Variants in TCHH observed in about 807,000 individuals in gnomAD.
The protein encoded by TCHH is trichohyalin.
TCHH carries 6 observed loss-of-function variants against 6.3 expected under a neutral mutation model. The ratio of observed to expected loss-of-function variants is 0.95; its 90% CI spans 0.52 to 1.88. TCHH has a LOEUF of 1.88. Ranked by LOEUF, TCHH falls within the 40% of genes most tolerant of loss-of-function variation. TCHH has a pLI of 0.01. For synonymous variants in TCHH, 1,087 were observed against 963.6 expected, an observed-to-expected ratio of 1.13 and a Z score of -2.37; for missense variants, 2,920 against 2,449.1, an observed-to-expected ratio of 1.19 and a Z score of -4.06.
In TCHH at chr1:152,112,656, A is replaced by C; in HGVS notation, c.561T>G (p.Arg187=). ...RQEWQEREER[R]AEEEQLQSCK... ...AACTCTGCAGCTGCTCTTCCTCTGC[A>C]CGGCGCTCTTCCCGTTCTTGCCATT... The change falls in exon 3 of 3, where the codon CGT becomes CGG. Residue 187 remains arginine, a synonymous_variant. Transcript: ENST00000614923. 1.2e-6 allele frequency: 2 copies of C among 1,613,732 alleles called. No homozygotes were observed. Among genetic ancestry groups the C allele is most frequent in the Non-Finnish European group, 1.7e-6 (2 of 1,179,972 alleles).
At position 152,112,988 on chromosome 1, in the gene TCHH, A is replaced by G. The variant is rs753419990; in HGVS notation, c.229T>C (p.Phe77Leu). Residue 77 changes from phenylalanine (F) to leucine (L), a missense_variant, in exon 3 of 3, where the codon TTT becomes CTT. Phe to Leu is a conservative substitution (Grantham distance 22). Transcript: ENST00000614923. ...GRVDFNEFLL[F>L]IFKVAQACYY... The stretch of plus-strand genomic sequence containing the variant: ...CAAGCTTGAGCCACTTTGAAAATAA[A>G]TAGGAGGAATTCGTTGAAATCGACA... 12 of 1,614,142 alleles carry G rather than the reference A, an allele frequency of 7.4e-6. No individual in the cohort carries two copies. In the South Asian group the frequency reaches 1.2e-4, roughly 16 times the overall value.
chr1:152,112,548 G>T lies in TCHH; in HGVS notation c.669C>A (p.Arg223=), dbSNP rs372192664. ...RELLELRRKG[R]EEKQQQRRER... Reference sequence around the variant, plus strand: ...CTCGCCTTTGCTGCTGTTTCTCCTCGCGGCCCTTCCTCCTCAGCTCCAGCA... The same window carrying T: ...CTCGCCTTTGCTGCTGTTTCTCCTCTCGGCCCTTCCTCCTCAGCTCCAGCA... Residue 223 remains arginine, a synonymous_variant, in exon 3 of 3, where the codon CGC becomes CGA. Coordinates refer to ENST00000614923, the MANE Select transcript of TCHH (RefSeq NM_007113.4). 40 of 1,612,902 alleles carry T rather than the reference G, an allele frequency of 2.5e-5. No homozygotes were observed. In the African/African-American group the frequency reaches 4.5e-4, roughly 18 times the overall value.
At position 152,107,297 on chromosome 1, in the gene TCHH, A is replaced by G; in HGVS notation, c.*88T>C. The G allele has an allele frequency of 1.5e-6, 2 of 1,318,772 alleles. No homozygotes were observed. Among genetic ancestry groups the G allele is most frequent in the East Asian group, 4.7e-5 (2 of 42,342 alleles). The allele number at this position is 1,318,772 out of a possible 1,614,324, so 81.7% of individuals were successfully genotyped here. ...TATCAGAGAGTTTTCCCACAACCAG[A>G]AACATCTGAGTTATCACTTGGTACC... On this transcript the variant is annotated 3_prime_UTR_variant, in exon 3 of 3. Transcript: ENST00000614923.
chr1:152,107,179 C>G lies in TCHH; in HGVS notation c.*206G>C, dbSNP rs955166475. The G allele has an allele frequency of 2.2e-6, 1 of 460,918 alleles. No individual in the cohort carries two copies. The highest frequency in any genetic ancestry group is 3.8e-6 in the Non-Finnish European group (1 of 265,352). 28.6% of individuals were successfully genotyped at this position (460,918 alleles called of 1,614,324 possible). A position where few individuals can be genotyped will look rare whatever the true frequency, so the allele number is the denominator to read the frequency against. Reference sequence around the variant, plus strand: ...CAAAGAGCAAAAGAAAGACATCTTGCAGTAAAGAACTACTTGAGGAAGAAT... The same window carrying G: ...CAAAGAGCAAAAGAAAGACATCTTGGAGTAAAGAACTACTTGAGGAAGAAT... On this transcript the variant is annotated 3_prime_UTR_variant, in exon 3 of 3. Coordinates refer to ENST00000614923, the MANE Select transcript of TCHH (RefSeq NM_007113.4).
rs566281863 is a variant in TCHH at position 152,111,819 on chromosome 1, C to G, written c.1398G>C (p.Arg466Ser). ...DWLKREEETE[R>S]HEQERRKQQL... The stretch of plus-strand genomic sequence containing the variant: ...GCTGCTTGCGCCTCTCCTGCTCGTG[C>G]CTCTCCGTCTCCTCCTCGCGCTTCA... The change falls in exon 3 of 3, where the codon AGG becomes AGC. Residue 466 changes from arginine (R) to serine (S), a missense_variant. Arg to Ser is a moderately radical substitution (Grantham distance 110). Coordinates refer to ENST00000614923, the MANE Select transcript of TCHH (RefSeq NM_007113.4). The G allele has an allele frequency of 2.5e-6, 4 of 1,586,764 alleles. No homozygotes were observed. The highest frequency in any genetic ancestry group is 2.9e-5 in the African/African-American group (2 of 69,910).
In TCHH at chr1:152,112,377, C is replaced by T. The variant is rs772080450; in HGVS notation, c.840G>A (p.Lys280=). ...ELQEEEEQLR[K]LERQELRRER... ...CCCTCCTCAGCTCTTGCCGCTCCAG[C>T]TTCCGTAGCTGCTCTTCTTCCTCCT... Residue 280 remains lysine, a synonymous_variant, in exon 3 of 3, where the codon AAG becomes AAA. Transcript: ENST00000614923. 3.7e-6 allele frequency: 6 copies of T among 1,613,720 alleles called. No homozygotes were observed. The African/African-American group carries it at 8.0e-5, about 22-fold the overall frequency.
chr1:152,113,058 C>A lies in TCHH; in HGVS notation c.159G>T (p.Thr53=). 6.2e-7 allele frequency: 1 copy of A among 1,610,384 alleles called. No individual in the cohort carries two copies. The highest frequency in any genetic ancestry group is 8.5e-7 in the Non-Finnish European group (1 of 1,178,082). ...AVLRRPHDPK[T]VDLILELLDL... ...CCAGAAGTTCCAGGATCAGATCTAC[C>A]GTCTTAGGGTCATGTGGTCTCTATA... The change falls in exon 3 of 3, where the codon ACG becomes ACT. Residue 53 remains threonine (T), a synonymous_variant. Transcript: ENST00000614923.
chr1:152,108,464 C>T lies in TCHH; in HGVS notation c.4753G>A (p.Glu1585Lys). 1.9e-6 allele frequency: 3 copies of T among 1,613,230 alleles called. No individual in the cohort carries two copies. Among genetic ancestry groups the T allele is most frequent in the Non-Finnish European group, 2.5e-6 (3 of 1,179,810 alleles). Residue 1585 changes from glutamate to lysine, a missense_variant, in exon 3 of 3, where the codon GAA becomes AAA. Glu to Lys is a moderately conservative substitution (Grantham distance 56). Coordinates refer to ENST00000614923, the MANE Select transcript of TCHH (RefSeq NM_007113.4). ...TGTTCCTGGCGGCGCACTTTCTGTTCCTCTAAACGGAATTTTCTGTCACGC... is the reference window on the plus strand; with the variant it reads ...TGTTCCTGGCGGCGCACTTTCTGTTTCTCTAAACGGAATTTTCTGTCACGC... The part of the protein sequence containing the change: ...QERDRKFRLE[E>K]QKVRRQEQER...
chr1:152,114,090 T>G lies in TCHH; in HGVS notation c.-10A>C. The G allele has an allele frequency of 6.3e-7, 1 of 1,595,756 alleles. No individual in the cohort carries two copies. The highest frequency in any genetic ancestry group is 8.5e-7 in the Non-Finnish European group (1 of 1,175,236). On this transcript the variant is annotated 5_prime_UTR_variant, in exon 2 of 3. Coordinates refer to ENST00000614923, the MANE Select transcript of TCHH (RefSeq NM_007113.4). ...TCAGAAGTGGAGACATTTTTTTTTCTTTCCTTCAAGTTCAAGTAAACCTAG... is the reference window on the plus strand; with the variant it reads ...TCAGAAGTGGAGACATTTTTTTTTCGTTCCTTCAAGTTCAAGTAAACCTAG...
rs778070481 is a variant in TCHH at position 152,112,356 on chromosome 1, C to T, written c.861G>A (p.Arg287=). Reference sequence around the variant, plus strand: ...GCTGCTCTTCCTCCTGGCGCTCCCTCCTCAGCTCTTGCCGCTCCAGCTTCC... The same window carrying T: ...GCTGCTCTTCCTCCTGGCGCTCCCTTCTCAGCTCTTGCCGCTCCAGCTTCC... ...QLRKLERQEL[R]RERQEEEQQQ... is the part of the protein sequence containing the mutation. The change falls in exon 3 of 3, where the codon AGG becomes AGA. Residue 287 remains arginine (R), a synonymous_variant. Coordinates refer to ENST00000614923, the MANE Select transcript of TCHH (RefSeq NM_007113.4). 4.3e-6 allele frequency: 7 copies of T among 1,613,578 alleles called. No homozygotes were observed. Among genetic ancestry groups the T allele is most frequent in the Middle Eastern group, 1.7e-4 (1 of 6,060 alleles).
Position 152,113,059 on chromosome 1 carries a change from G to A in TCHH, c.158C>T (p.Thr53Met). Residue 53 changes from threonine to methionine, a missense_variant, in exon 3 of 3, where the codon ACG (threonine) becomes ATG (methionine). Coordinates refer to ENST00000614923, the MANE Select transcript of TCHH (RefSeq NM_007113.4). ...CAGAAGTTCCAGGATCAGATCTACC[G>A]TCTTAGGGTCATGTGGTCTCTATAA... ...AVLRRPHDPKTVDLILELLDL... is the reference protein window; with the variant it reads ...AVLRRPHDPKMVDLILELLDL... 1.2e-6 allele frequency: 2 copies of A among 1,609,116 alleles called. No homozygotes were observed. The highest frequency in any genetic ancestry group is 1.7e-6 in the Non-Finnish European group (2 of 1,177,306).
chr1:152,113,987 C>A lies in TCHH; in HGVS notation c.94G>T (p.Asp32Tyr), dbSNP rs1464268560. Residue 32 changes from aspartate (D) to tyrosine (Y), a missense_variant, in exon 2 of 3, where the codon GAC (aspartate) becomes TAC (tyrosine). Asp to Tyr is a radical substitution (Grantham distance 160). Transcript: ENST00000614923. ...TCCCTTTCAAGGAGGTTCTTCAGGTCTTTCTTAGTTAATGCTGCTCCATCA... is the reference window on the plus strand; with the variant it reads ...TCCCTTTCAAGGAGGTTCTTCAGGTATTTCTTAGTTAATGCTGCTCCATCA... ...DCDGAALTKKDLKNLLEREFG... is the reference protein window; with the variant it reads ...DCDGAALTKKYLKNLLEREFG... 5.6e-6 allele frequency: 9 copies of A among 1,613,798 alleles called. No individual in the cohort carries two copies. The highest frequency in any genetic ancestry group is 3.4e-6 in the Non-Finnish European group (4 of 1,179,922).
rs71625146 is a variant in TCHH at position 152,107,896 on chromosome 1, C to T, written c.5321G>A (p.Arg1774His). ...CTCCTGGCGGAGCTGTTCCTCCTCG[C>T]GGAATTTTCTGTCGCGCTCCTGGCG... Reference protein sequence around the residue: ...LRRQERDRKFREEEQLRQERE... With the variant: ...LRRQERDRKFHEEEQLRQERE... Residue 1774 changes from arginine (R) to histidine (H), a missense_variant, in exon 3 of 3, where the codon CGC becomes CAC. Transcript: ENST00000614923. The T allele has an allele frequency of 9.3e-6, 15 of 1,613,854 alleles. No homozygotes were observed. The African/African-American group carries it at 1.7e-4, about 19-fold the overall frequency.
Position 152,110,159 on chromosome 1 carries a change from A to G in TCHH, c.3058T>C (p.Tyr1020His), listed in dbSNP as rs1437158355. 1.0e-5 allele frequency: 16 copies of G among 1,599,820 alleles called. No homozygotes were observed. Among genetic ancestry groups the G allele is most frequent in the Non-Finnish European group, 1.4e-5 (16 of 1,176,158 alleles). ...TGCTGCAGCTCGTCTTTTTTGCGGT[A>G]CTGCCTCTCCCACTCCTGGCGCCTT... The part of the protein sequence containing the change: ...KRRRQEWERQ[Y>H]RKKDELQQEE... The change falls in exon 3 of 3, where the codon TAC (tyrosine) becomes CAC (histidine). Residue 1020 changes from tyrosine (Y) to histidine (H), a missense_variant. Coordinates refer to ENST00000614923, the MANE Select transcript of TCHH (RefSeq NM_007113.4).
In TCHH at chr1:152,108,239, G is replaced by C. The variant is rs777535439; in HGVS notation, c.4978C>G (p.Gln1660Glu). ...TTTCTGTCGCGGTCGTGACGCAGCT[G>C]TTGTTCGCGCTCCTGGCGGCGCAGC... ...PQLRRQEREQ[Q>E]LRHDRDRKFR... Residue 1660 changes from glutamine (Q) to glutamate (E), a missense_variant, in exon 3 of 3, where the codon CAG (glutamine) becomes GAG (glutamate). Coordinates refer to ENST00000614923, the MANE Select transcript of TCHH (RefSeq NM_007113.4). 108 of 1,600,000 alleles carry C rather than the reference G, an allele frequency of 6.8e-5. 1 individual carries two copies. The South Asian group carries it at 1.2e-3, about 17-fold the overall frequency.
Position 152,110,134 on chromosome 1 carries a change from T to C in TCHH, c.3083A>G (p.Gln1028Arg). The C allele has an allele frequency of 6.2e-7, 1 of 1,609,614 alleles. No homozygotes were observed. Among genetic ancestry groups the C allele is most frequent in the African/African-American group, 1.3e-5 (1 of 74,082 alleles). Residue 1028 changes from glutamine to arginine, a missense_variant, in exon 3 of 3, where the codon CAG (glutamine) becomes CGG (arginine). Transcript: ENST00000614923. ...CTCTCTCAGCAGCTGCTCTTCTTCC[T>C]GCTGCAGCTCGTCTTTTTTGCGGTA... Reference protein sequence around the residue: ...RQYRKKDELQQEEEQLLREER... With the variant: ...RQYRKKDELQREEEQLLREER...
Position 152,113,012 on chromosome 1 carries a change from C to G in TCHH, c.205G>C (p.Val69Leu). Residue 69 changes from valine to leucine, a missense_variant, in exon 3 of 3, where the codon GTC (valine) becomes CTC (leucine). Coordinates refer to ENST00000614923, the MANE Select transcript of TCHH (RefSeq NM_007113.4). ...ELLDLDSNGR[V>L]DFNEFLLFIF... ...AATAGGAGGAATTCGTTGAAATCGA[C>G]ACGCCCATTACTGTCAAGATCCAGA... 6.2e-7 allele frequency: 1 copy of G among 1,614,054 alleles called. No homozygotes were observed. The highest frequency in any genetic ancestry group is 1.3e-5 in the African/African-American group (1 of 75,006).
chr1:152,111,022 C>T lies in TCHH; in HGVS notation c.2195G>A (p.Arg732His), dbSNP rs772386949. 1.2e-6 allele frequency: 2 copies of T among 1,613,448 alleles called. No homozygotes were observed. The highest frequency in any genetic ancestry group is 2.2e-5 in the East Asian group (1 of 44,846). The change falls in exon 3 of 3, where the codon CGC (arginine) becomes CAC (histidine). Residue 732 changes from arginine (R) to histidine (H), a missense_variant. By Grantham distance (29) the Arg-to-His change is conservative. Coordinates refer to ENST00000614923, the MANE Select transcript of TCHH (RefSeq NM_007113.4). ...CCGCCTCTTTTCCTCCTGCTCTTGG[C>T]GGCGCCTCTGCCCTTCCTGCTTGCG... ...RPRKQEGQRRRQEQEEKRRRR... is the reference protein window; with the variant it reads ...RPRKQEGQRRHQEQEEKRRRR...
intron 1 of TCHH, among the ~76,000 whole-genome samples, chr1:152,114,931 G>C (rs977716624): frequency 3.3e-5 from 5 of 152,208 alleles, no homozygotes; most frequent in African/African-American, 1.2e-4. Context: ...GCCAGCAGTA[G>C]ATCAATGTTA....
Sources: allele counts gnomAD v4.1 joint callset (sites outside exome capture counted in the v4.1 genomes callset), GRCh38; gene constraint gnomAD v4.1.1; transcripts MANE v1.5; gene names NCBI Gene and HGNC (gene_info 2026-07-23, HGNC 2026-07-21).